UHRF1: variants seen among roughly 807,000 people sequenced by gnomAD.
UHRF1 encodes E3 ubiquitin-protein ligase UHRF1.
In UHRF1, 9 loss-of-function variants were observed where a neutral mutation model predicts 96.5. That is an observed-to-expected ratio of 0.09 (90% CI 0.06 to 0.16). The LOEUF (loss-of-function observed/expected upper bound fraction) is 0.16. Among genes scored for constraint, UHRF1 ranks in the 10% least tolerant of loss-of-function variants. The pLI, the probability that UHRF1 is intolerant of heterozygous loss-of-function variation, is 1.00. For synonymous variants in UHRF1, 455 were observed against 469.9 expected, an observed-to-expected ratio of 0.97 and a Z score of 0.41; for missense variants, 626 against 1,131.1, an observed-to-expected ratio of 0.55 and a Z score of 6.40.
intron 5 of UHRF1, among the ~76,000 whole-genome samples, chr19:4,936,383 G>A (rs548568893): frequency 6.6e-6 from 1 of 152,310 alleles, no homozygotes; most frequent in African/African-American, 2.4e-5. Flanking sequence ...ATCTGCAGAT[G>A]ACAGACCAGG....
chr19:4,949,733 A>T (rs1390374227), intron 11 of UHRF1, among the ~76,000 whole-genome samples: 1 of 152,084 alleles, frequency 6.6e-6, no homozygotes, highest in Non-Finnish European at 1.5e-5. Context: ...CCAGCTTGGG[A>T]GCCGGAGGTG....
At chr19:4,937,607 G>A (rs979084163) in intron 5 of UHRF1, among the ~76,000 whole-genome samples, 3 of 152,116 alleles carry the variant, frequency 2.0e-5, no homozygotes, top group South Asian at 2.1e-4. Flanking sequence ...CAGGTGATCC[G>A]CCCGCCTTGG....
intron 2 of UHRF1, among the ~76,000 whole-genome samples, chr19:4,919,903 C>T (rs1048310142): frequency 3.3e-5 from 5 of 151,856 alleles, no homozygotes; most frequent in Non-Finnish European, 5.9e-5. Context: ...CTGCACCCTC[C>T]GCCTCCCGGG....
At chr19:4,945,559 G>A (rs190609672) in intron 9 of UHRF1, among the ~76,000 whole-genome samples, 10 of 151,894 alleles carry the variant, frequency 6.6e-5, no homozygotes, top group Admixed American at 5.2e-4. Flanking sequence ...GTGCCTGGCC[G>A]TCACCCCCCA....
intron 2 of UHRF1, among the ~76,000 whole-genome samples, chr19:4,925,084 C>T (rs1271487374): frequency 6.6e-6 from 1 of 152,112 alleles, no homozygotes; most frequent in East Asian, 1.9e-4. Context: ...GCCTTGGCCT[C>T]CCAGAGTGTT....
At chr19:4,920,879 A>C (rs1371610219) in intron 2 of UHRF1, among the ~76,000 whole-genome samples, 1 of 152,212 alleles carries the variant, frequency 6.6e-6, no homozygotes, top group African/African-American at 2.4e-5. Context: ...TAATCCCAGC[A>C]CTTTGGGAGG....
At chr19:4,936,895 T>C (rs188809477) in intron 5 of UHRF1, among the ~76,000 whole-genome samples, 35 of 152,138 alleles carry the variant, frequency 2.3e-4, no homozygotes, top group Middle Eastern at 3.4e-3. Context: ...TAATAAACTA[T>C]ACTGTGTTAT....
chr19:4,928,608 G>A (rs1372875917), intron 2 of UHRF1, among the ~76,000 whole-genome samples: 3 of 152,212 alleles, frequency 2.0e-5, no homozygotes, highest in Non-Finnish European at 4.4e-5. Context: ...TGGCGCTGGA[G>A]CCTTACCCAG....
chr19:4,947,783 G>T (rs1406487093), intron 11 of UHRF1, among the ~76,000 whole-genome samples: 2 of 151,918 alleles, frequency 1.3e-5, no homozygotes, highest in African/African-American at 4.8e-5. Context: ...ACAGGCATGA[G>T]CCACTGCGCC....
chr19:4,943,496 C>CG (rs917730242), intron 7 of UHRF1, among the ~76,000 whole-genome samples: 36 of 64,848 alleles, frequency 5.6e-4, no homozygotes, highest in Admixed American at 1.2e-3. Context: ...TGTTGCCCTG[C>CG]CCCCCCTCCC....
chr19:4,936,297 C>T (rs752191971), intron 5 of UHRF1, among the ~76,000 whole-genome samples: 5 of 152,224 alleles, frequency 3.3e-5, no homozygotes, highest in African/African-American at 4.8e-5. Context: ...CTGAGTCAGG[C>T]ATCATACAAG....
In UHRF1 at chr19:4,918,856, G is replaced by C. The variant is rs1244255138; in HGVS notation, c.153+7818G>C. ...CTGCCTCAGCCTCGCAAGTAGCAGGGACTATAGGCTGTATACTACTATACC... is the reference window on the plus strand; with the variant it reads ...CTGCCTCAGCCTCGCAAGTAGCAGGCACTATAGGCTGTATACTACTATACC... On this transcript the variant is annotated intron_variant, in intron 2 of 16. Transcript: ENST00000650932. 5.9e-5 allele frequency among the ~76,000 whole-genome samples: 9 copies of C among 151,452 alleles called. No individual in the cohort carries two copies. The Admixed American group carries it at 5.9e-4, about 10-fold the overall frequency.
intron 10 of UHRF1, among the ~76,000 whole-genome samples, chr19:4,946,185 C>T (rs1242515052): frequency 6.6e-6 from 1 of 152,108 alleles, no homozygotes; most frequent in Admixed American, 6.6e-5. Context: ...ACTCACTCCC[C>T]ACCCCCTCCC....
intron 2 of UHRF1, among the ~76,000 whole-genome samples, chr19:4,916,269 G>T (rs1013227106): frequency 6.6e-6 from 1 of 151,368 alleles, no homozygotes; most frequent in African/African-American, 2.4e-5. Context: ...TTGTACCACT[G>T]CATTCCAGCC....
upstream of UHRF1, chr19:4,909,374 G>T (rs2032154542): frequency 1.6e-6 from 1 of 615,512 alleles, no homozygotes; most frequent in Middle Eastern, 2.8e-4. Context: ...AGAGGCGGGG[G>T]CGCCCCCCAC....
rs998467169 is a variant in UHRF1, at chr19:4,941,689, C to T, written c.887-56C>T. 1.0e-5 allele frequency: 16 copies of T among 1,572,474 alleles called. No individual in the cohort carries two copies. In the African/African-American group the frequency reaches 2.0e-4, roughly 20 times the overall value. On this transcript the variant is annotated intron_variant, in intron 6 of 16. Transcript: ENST00000650932. ...GTGGGCACGGGGCGGGGGCTCTTGTCCCGTCTCTGGCTTGGCCGGGCCCCG... is the reference window on the plus strand; with the variant it reads ...GTGGGCACGGGGCGGGGGCTCTTGTTCCGTCTCTGGCTTGGCCGGGCCCCG...
chr19:4,940,559 G>T (rs888165263), intron 5 of UHRF1, among the ~76,000 whole-genome samples: 1 of 151,558 alleles, frequency 6.6e-6, no homozygotes, highest in Non-Finnish European at 1.5e-5. Flanking sequence ...TAGAGACGGG[G>T]TTTCACTATG....
At chr19:4,923,265 C>T (rs529988962) in intron 2 of UHRF1, among the ~76,000 whole-genome samples, 3 of 152,326 alleles carry the variant, frequency 2.0e-5, no homozygotes, top group Non-Finnish European at 4.4e-5. Context: ...GTCTGGCCCC[C>T]TCCTGGCTCC....
chr19:4,955,251 C>G (rs2033826830), intron 15 of UHRF1, among the ~76,000 whole-genome samples: 1 of 152,200 alleles, frequency 6.6e-6, no homozygotes, highest in South Asian at 2.1e-4. Context: ...AAAGTCAGGG[C>G]AGGGATAGGG....
Sources: gnomAD v4.1 joint callset for allele counts (sites outside exome capture counted in the v4.1 genomes callset) on GRCh38, gnomAD v4.1.1 for gene constraint, MANE v1.5 for transcripts, NCBI Gene and HGNC (gene_info 2026-07-23, HGNC 2026-07-21) for gene names.